Variants in TFDP2 observed in about 807,000 individuals in gnomAD.
TFDP2 encodes transcription factor Dp-2 (E2F dimerization partner 2).
TFDP2 carries 17 observed loss-of-function variants against 59.3 expected under a neutral mutation model. The ratio of observed to expected loss-of-function variants is 0.29; its 90% CI spans 0.20 to 0.43. TFDP2 has a LOEUF of 0.43. TFDP2 is among the 20% of genes least tolerant of loss of function. The probability of loss-of-function intolerance (pLI) is 1.00; values close to 1 mark genes in which losing one functional copy is unlikely to be tolerated. For synonymous variants in TFDP2, 180 were observed against 194.7 expected, an observed-to-expected ratio of 0.92 and a Z score of 0.63; for missense variants, 391 against 528.8, an observed-to-expected ratio of 0.74 and a Z score of 2.56.
chr3:142,132,757 A>AG (rs1225490279), intron 1 of TFDP2, among the ~76,000 whole-genome samples: 2 of 148,890 alleles, frequency 1.3e-5, no homozygotes, highest in Non-Finnish European at 2.9e-5. Flanking sequence ...AAAAAAAAAA[A>AG]AAAGGATATT....
At chr3:142,116,239 A>T (rs556904076) in intron 1 of TFDP2, among the ~76,000 whole-genome samples, 61 of 152,072 alleles carry the variant, frequency 4.0e-4, no homozygotes, top group African/African-American at 1.4e-3. Flanking sequence ...AATTTTTAAA[A>T]TTTTTGGTAG....
chr3:142,061,132 C>A (rs1472401053), intron 3 of TFDP2, among the ~76,000 whole-genome samples: 1 of 152,146 alleles, frequency 6.6e-6, no homozygotes, highest in Non-Finnish European at 1.5e-5. Flanking sequence ...AACCTTGGAT[C>A]AAGTTATAAT....
intron 1 of TFDP2, among the ~76,000 whole-genome samples, chr3:142,140,431 G>A (rs2062905103): frequency 6.6e-6 from 1 of 152,220 alleles, no homozygotes; most frequent in South Asian, 2.1e-4. Context: ...ATCCTTTGGA[G>A]GAGAAGAGGC....
rs945228591 is a variant in TFDP2 at position 141,950,955 on chromosome 3, GT to G, written c.*1557del. ...TAAAGTTGAATGTTTTTCTTTCTCA[GT>G]TTTTATGGCCTTATTAAACATGTTT... On this transcript the variant is annotated 3_prime_UTR_variant, in exon 13 of 13. Transcript: ENST00000489671. 15 of 152,146 alleles carry G rather than the reference GT, an allele frequency of 9.9e-5. No individual in the cohort carries two copies. The highest frequency in any genetic ancestry group is 1.8e-4 in the Non-Finnish European group (12 of 68,044). The allele number at this position is 152,146 out of a possible 1,614,324, so 9.4% of individuals were successfully genotyped here.
rs1935085462 is a variant in TFDP2 at position 141,944,992 on chromosome 3, G to A, written c.*7521C>T. 1 of 152,150 alleles carries A rather than the reference G, an allele frequency of 6.6e-6. No individual in the cohort carries two copies. Among genetic ancestry groups the A allele is most frequent in the East Asian group, 1.9e-4 (1 of 5,200 alleles). The allele number at this position is 152,150 out of a possible 1,614,324, so 9.4% of individuals were successfully genotyped here. ...CTTGTTTAAATTGCTTAAAGCATGTGGCACCACGATGTATCCTTCATGCAG... is the reference window on the plus strand; with the variant it reads ...CTTGTTTAAATTGCTTAAAGCATGTAGCACCACGATGTATCCTTCATGCAG... On this transcript the variant is annotated 3_prime_UTR_variant, in exon 13 of 13. Transcript: ENST00000489671.
At chr3:142,114,804 A>T (rs1411826422) in intron 1 of TFDP2, among the ~76,000 whole-genome samples, 1 of 152,186 alleles carries the variant, frequency 6.6e-6, no homozygotes, top group Non-Finnish European at 1.5e-5. Context: ...TTGAAAGATA[A>T]GAACCTAATG....
intron 3 of TFDP2, among the ~76,000 whole-genome samples, chr3:142,021,855 C>G (rs1228475460): frequency 6.6e-6 from 1 of 152,114 alleles, no homozygotes; most frequent in East Asian, 1.9e-4. Context: ...CTTGCAGGGC[C>G]CTTCTCCTTC....
rs1944666249 is a variant in TFDP2 at position 142,011,372 on chromosome 3, T to C, written c.83-5828A>G. Among the ~76,000 whole-genome samples the C allele has an allele frequency of 2.2e-5, 3 of 137,104 alleles. No homozygotes were observed. The South Asian group carries it at 7.4e-4, about 34-fold the overall frequency. 89.9% of individuals were successfully genotyped at this position (137,104 alleles called of 152,430 possible). A position where few individuals can be genotyped will look rare whatever the true frequency, so the allele number is the denominator to read the frequency against. On this transcript the variant is annotated intron_variant, in intron 3 of 12. Coordinates refer to ENST00000489671, the MANE Select transcript of TFDP2 (RefSeq NM_001178139.2). ...ACCAAACACCGCATATTCTCACTCA[T>C]AGGTGGGAATTGAATATTGAGATCA...
At chr3:142,039,558 G>A (rs1460112621) in intron 3 of TFDP2, among the ~76,000 whole-genome samples, 1 of 152,094 alleles carries the variant, frequency 6.6e-6, no homozygotes, top group African/African-American at 2.4e-5. Context: ...TTGTTTCTGG[G>A]AGAGCAGGAG....
At chr3:142,033,404 T>A (rs1421609453) in intron 3 of TFDP2, among the ~76,000 whole-genome samples, 1 of 152,084 alleles carries the variant, frequency 6.6e-6, no homozygotes, top group Non-Finnish European at 1.5e-5. Context: ...GTAATCCAAA[T>A]TTTTTTCAAC....
intron 11 of TFDP2, among the ~76,000 whole-genome samples, chr3:141,956,822 GGCT>G (rs913518263): frequency 2.6e-5 from 4 of 151,654 alleles, no homozygotes; most frequent in African/African-American, 9.7e-5. Flanking sequence ...CTACTCAGGA[GGCT>G]GAGGTGGGTG....
intron 1 of TFDP2, among the ~76,000 whole-genome samples, chr3:142,123,845 C>T (rs1302010657): frequency 6.6e-6 from 1 of 152,002 alleles, no homozygotes; most frequent in Non-Finnish European, 1.5e-5. Context: ...GTATATAAAG[C>T]AGAACTGAAG....
intron 3 of TFDP2, among the ~76,000 whole-genome samples, chr3:142,037,962 A>G (rs372182324): frequency 1.3e-5 from 2 of 152,320 alleles, no homozygotes; most frequent in Middle Eastern, 3.4e-3. Context: ...ATTCTTTTCT[A>G]ATGACAAATC....
chr3:142,076,194 G>C (rs1230281477), intron 3 of TFDP2, among the ~76,000 whole-genome samples: 2 of 137,884 alleles, frequency 1.5e-5, no homozygotes, highest in Non-Finnish European at 3.0e-5. Context: ...CTGGGCAACA[G>C]AGTGAGACTC....
At chr3:142,089,353 C>G (rs2060924398) in intron 3 of TFDP2, among the ~76,000 whole-genome samples, 1 of 150,756 alleles carries the variant, frequency 6.6e-6, no homozygotes, top group African/African-American at 2.4e-5. Context: ...AATAAGCTAA[C>G]TTGAAGACAG....
At position 142,005,520 on chromosome 3, in the gene TFDP2, G is replaced by A; in HGVS notation, c.107C>T (p.Pro36Leu). ...TKGNISFVAF[P>L]VSNTNSPTKI... ...TGTAGGTGAGTTGGTATTGGAAACT[G>A]GAAATGCAACAAATGAAATGTTGCC... The change falls in exon 4 of 13, where the codon CCA becomes CTA. Residue 36 changes from proline to leucine, a missense_variant. This residue lies in a region of TFDP2 where 162 missense variants were observed against 206.8 expected (regional missense o/e 0.78). Transcript: ENST00000489671. 6.2e-7 allele frequency: 1 copy of A among 1,601,760 alleles called. No homozygotes were observed.
At chr3:142,117,535 A>G (rs1189638282) in intron 1 of TFDP2, among the ~76,000 whole-genome samples, 1 of 152,148 alleles carries the variant, frequency 6.6e-6, no homozygotes, top group Non-Finnish European at 1.5e-5. Context: ...GAAAGAGCAG[A>G]GGGGCAAAGG....
intron 3 of TFDP2, among the ~76,000 whole-genome samples, chr3:142,051,615 A>T (rs1386430161): frequency 3.9e-5 from 6 of 152,188 alleles, no homozygotes; most frequent in Non-Finnish European, 8.8e-5. Context: ...AAGAGAGTAC[A>T]GTATTGGCAT....
intron 10 of TFDP2, among the ~76,000 whole-genome samples, chr3:141,963,258 GAAT>G (rs1488188179): frequency 6.6e-6 from 1 of 152,056 alleles, no homozygotes; most frequent in African/African-American, 2.4e-5. Context: ...TTGCCATAAT[GAAT>G]ATTATCATTG....
Sources: allele counts gnomAD v4.1 joint callset (sites outside exome capture counted in the v4.1 genomes callset), GRCh38; gene constraint gnomAD v4.1.1; regional missense constraint gnomAD v4.1.1; transcripts MANE v1.5; gene names NCBI Gene and HGNC (gene_info 2026-07-23, HGNC 2026-07-21).